The following CPNE4 variants were observed in gnomAD, a reference collection of about 807,000 sequenced individuals.
CPNE4 encodes the protein copine 4.
A neutral mutation model predicts 67.9 loss-of-function variants in CPNE4; 25 were observed. The ratio of observed to expected loss-of-function variants is 0.37; its 90% CI spans 0.27 to 0.51. CPNE4 has a LOEUF of 0.51. Ranked by LOEUF, CPNE4 falls within the 20% of genes least tolerant of loss-of-function variation. The probability of loss-of-function intolerance (pLI) is 0.93; values close to 1 mark genes in which losing one functional copy is unlikely to be tolerated. For missense variants in CPNE4, 464 were observed against 690.8 expected, an observed-to-expected ratio of 0.67 and a Z score of 3.68; for synonymous variants, 242 against 244.9, an observed-to-expected ratio of 0.99 and a Z score of 0.11.
At chr3:131,818,207 C>T (rs2084822526) in intron 2 of CPNE4, among the ~76,000 whole-genome samples, 1 of 152,114 alleles carries the variant, frequency 6.6e-6, no homozygotes, top group South Asian at 2.1e-4. Context: ...AAAAACACCA[C>T]AGGATTTATG....
intron 7 of CPNE4, among the ~76,000 whole-genome samples, chr3:131,655,674 G>C (rs1036784236): frequency 1.3e-5 from 2 of 152,140 alleles, no homozygotes; most frequent in Non-Finnish European, 2.9e-5. Context: ...GTGGAGACAA[G>C]TAGGTTGTAG....
intron 2 of CPNE4, among the ~76,000 whole-genome samples, chr3:131,779,259 C>G (rs2083372224): frequency 6.6e-6 from 1 of 151,982 alleles, no homozygotes; most frequent in South Asian, 2.1e-4. Flanking sequence ...GACCAAACTG[C>G]CTGAAACAAT....
At chr3:132,013,480 A>G (rs1227951638) in intron 1 of CPNE4, among the ~76,000 whole-genome samples, 6 of 152,220 alleles carry the variant, frequency 3.9e-5, no homozygotes, top group Non-Finnish European at 7.3e-5. Context: ...TCATGATGAT[A>G]TATCTTCAGA....
chr3:131,591,760 T>C (rs1226425863), intron 7 of CPNE4, among the ~76,000 whole-genome samples: 2 of 152,208 alleles, frequency 1.3e-5, no homozygotes, highest in African/African-American at 4.8e-5. Flanking sequence ...ATAAAAACAC[T>C]GTCTTTCCTT....
chr3:131,561,822 A>G (rs57573557), intron 11 of CPNE4, among the ~76,000 whole-genome samples: 2,865 of 152,114 alleles, frequency 0.019, 35 homozygotes, highest in East Asian at 0.033. Context: ...CTGCCTGTCT[A>G]TTGTCTATCC....
rs529235232 is a variant in CPNE4 at position 131,906,619 on chromosome 3, G to A, written c.-1-1175C>T. ...ATGGCTGCATAGTATTCCATGGTGT[G>A]TATGTGCCACATTTTCTTAATCCAG... On this transcript the variant is annotated intron_variant, in intron 1 of 15. Transcript: ENST00000429747. Among the ~76,000 whole-genome samples the A allele has an allele frequency of 8.7e-3, 1,323 of 151,798 alleles. 14 individuals carry two copies. The highest frequency in any genetic ancestry group is 0.03 in the African/African-American group (1,246 of 41,300).
chr3:131,598,726 C>CT (rs374776806), intron 7 of CPNE4, among the ~76,000 whole-genome samples: 1 of 152,134 alleles, frequency 6.6e-6, no homozygotes, highest in South Asian at 2.1e-4. Context: ...TCCAATGGCA[C>CT]TTTTTCCTTT....
intron 2 of CPNE4, among the ~76,000 whole-genome samples, chr3:131,867,855 C>T (rs1339152079): frequency 6.6e-6 from 1 of 152,098 alleles, no homozygotes; most frequent in Admixed American, 6.6e-5. Flanking sequence ...TCATCCTCTA[C>T]GTTGATGGAT....
chr3:131,898,398 A>G (rs79968939), intron 2 of CPNE4, among the ~76,000 whole-genome samples: 1 of 152,234 alleles, frequency 6.6e-6, no homozygotes, highest in East Asian at 1.9e-4. Context: ...GGATGGGAGT[A>G]AGGCTAATGT....
At chr3:132,023,053 G>A (rs1268454965) in intron 1 of CPNE4, among the ~76,000 whole-genome samples, 1 of 152,042 alleles carries the variant, frequency 6.6e-6, no homozygotes, top group Non-Finnish European at 1.5e-5. Flanking sequence ...GAACAACCAC[G>A]GACCATTACA....
At chr3:131,884,434 G>T (rs953589836) in intron 2 of CPNE4, among the ~76,000 whole-genome samples, 2 of 152,172 alleles carry the variant, frequency 1.3e-5, no homozygotes, top group East Asian at 1.9e-4. Flanking sequence ...GTCTCCCACA[G>T]CAATGGGTAC....
intron 1 of CPNE4, among the ~76,000 whole-genome samples, chr3:131,947,811 C>T (rs112978164): frequency 2.4e-3 from 362 of 152,254 alleles, no homozygotes; most frequent in Non-Finnish European, 4.2e-3. Flanking sequence ...GGAATTGCCA[C>T]GCTCTCTTCC....
chr3:131,655,783 T>A (rs996156467), intron 7 of CPNE4, among the ~76,000 whole-genome samples: 14 of 152,174 alleles, frequency 9.2e-5, no homozygotes, highest in African/African-American at 3.1e-4. Context: ...CCACCCCACA[T>A]CCCTCTTCTA....
intron 2 of CPNE4, among the ~76,000 whole-genome samples, chr3:131,865,833 T>C (rs180697778): frequency 3.3e-5 from 5 of 152,152 alleles, no homozygotes; most frequent in Admixed American, 3.3e-4. Flanking sequence ...TACCTGTGGA[T>C]GGGAAGAATA....
intron 7 of CPNE4, among the ~76,000 whole-genome samples, chr3:131,636,559 C>G (rs1353727853): frequency 6.6e-6 from 1 of 152,162 alleles, no homozygotes; most frequent in Admixed American, 6.5e-5. Flanking sequence ...TCTCTACCTT[C>G]TGTGGTAGCT....
intron 2 of CPNE4, among the ~76,000 whole-genome samples, chr3:131,813,459 AAT>A (rs1320453581): frequency 1.3e-5 from 2 of 148,994 alleles, no homozygotes; most frequent in Admixed American, 1.3e-4. Flanking sequence ...ATATTTTAAA[AAT>A]ATATTTTATT....
chr3:131,814,572 A>ATTTTTTTTTTTTTT (rs71136418), intron 2 of CPNE4, among the ~76,000 whole-genome samples: 1 of 71,072 alleles, frequency 1.4e-5, no homozygotes, highest in Non-Finnish European at 2.7e-5. Flanking sequence ...TTGAAATGCA[A>ATTTTTTTTTTTTTT]TTTTTTTTTT....
chr3:131,558,677 TAAATC>T (rs1936598621), intron 11 of CPNE4, among the ~76,000 whole-genome samples: 2 of 152,058 alleles, frequency 1.3e-5, no homozygotes, highest in African/African-American at 4.8e-5. Context: ...GATTTTGAGA[TAAATC>T]AAAACATTAA....
intron 10 of CPNE4, among the ~76,000 whole-genome samples, chr3:131,569,318 C>A (rs571748080): frequency 3.3e-5 from 5 of 151,688 alleles, no homozygotes; most frequent in Non-Finnish European, 7.4e-5. Context: ...ACATAGGATG[C>A]CCTAAATGTT....
Sources: allele counts gnomAD v4.1 joint callset (sites outside exome capture counted in the v4.1 genomes callset), GRCh38; gene constraint gnomAD v4.1.1; transcripts MANE v1.5; gene names NCBI Gene and HGNC (gene_info 2026-07-23, HGNC 2026-07-21).